ARHGEF10L: variants seen among roughly 807,000 people sequenced by gnomAD.
ARHGEF10L encodes rho guanine nucleotide exchange factor 10-like protein.
A neutral mutation model predicts 141.2 loss-of-function variants in ARHGEF10L; 69 were observed. The ratio of observed to expected loss-of-function variants is 0.49; its 90% CI spans 0.40 to 0.60. The LOEUF (loss-of-function observed/expected upper bound fraction) is 0.60, where lower values mean the gene tolerates loss of function less well. ARHGEF10L is among the 20% of genes least tolerant of loss of function. The pLI is 0.00. For missense variants in ARHGEF10L, 1,482 were observed against 1,734.3 expected (o/e 0.85, Z 2.58); for synonymous variants, 711 against 718.5 (o/e 0.99, Z 0.17).
At chr1:17,622,954 G>T (rs750795770) in intron 11 of ARHGEF10L, 42 bp from the exon 12 acceptor site, 2 of 1,580,208 alleles carry the variant, frequency 1.3e-6, no homozygotes, top group Non-Finnish European at 8.6e-7. Flanking sequence ...AGGGAGAGAG[G>T]CTGCGGCCTG....
At chr1:17,540,126 C>T (rs1278837595) in intron 1 of ARHGEF10L, among the ~76,000 whole-genome samples, 176 bp downstream of exon 1, 1 of 152,020 alleles carries the variant, frequency 6.6e-6, no homozygotes, top group Non-Finnish European at 1.5e-5. Context: ...GTGAGAGCCC[C>T]GAGCCCGCGT....
In ARHGEF10L at chr1:17,634,561, A is replaced by G. The variant is rs1173192391; in HGVS notation, c.1744A>G (p.Arg582Gly). The change falls in exon 17 of 29, where the codon AGG becomes GGG. Residue 582 changes from arginine to glycine, a missense_variant and splice_region_variant. By Grantham distance (125) the Arg-to-Gly change is moderately radical. Coordinates refer to ENST00000361221, the MANE Select transcript of ARHGEF10L (RefSeq NM_018125.4). ...CTTTTTTCCCAGGCCTGCCAACCAC[A>G]GGTACGTGGTTCAGGGGGCTCCGGG... The part of the protein sequence containing the change: ...ANINFKPANH[R>G]GQLEISSLVP... 1 of 1,613,632 alleles carries G rather than the reference A, an allele frequency of 6.2e-7. No individual in the cohort carries two copies. The highest frequency in any genetic ancestry group is 8.5e-7 in the Non-Finnish European group (1 of 1,179,776).
rs367555665 is a variant in ARHGEF10L at position 17,675,841 on chromosome 1, G to A, written c.3009+11246G>A. On this transcript the variant is annotated intron_variant, in intron 26 of 28. Coordinates refer to ENST00000361221, the MANE Select transcript of ARHGEF10L (RefSeq NM_018125.4). ...AGGTGTGGGTACAGGTGTGTGTTCA[G>A]GTGTGGGTGCAGGTGTGGGTACAGG... Among the ~76,000 whole-genome samples, 5 of 147,850 alleles carry A rather than the reference G, an allele frequency of 3.4e-5. No homozygotes were observed. In the East Asian group the frequency reaches 1.0e-3, roughly 31 times the overall value.
At chr1:17,613,265 A>T (rs1453857543) in intron 8 of ARHGEF10L, 91 bp downstream of exon 8, 4 of 1,100,660 alleles carry the variant, frequency 3.6e-6, no homozygotes, top group East Asian at 4.8e-5. Context: ...TGGTACCACG[A>T]AGCCTACCAG....
intron 15 of ARHGEF10L, among the ~76,000 whole-genome samples, chr1:17,629,034 A>G (rs1247427870): frequency 6.6e-6 from 1 of 151,788 alleles, no homozygotes. Context: ...ATTTAATTTT[A>G]TTTTGAGACA....
rs1419617421 is a variant in ARHGEF10L, at chr1:17,678,283, C to G, written c.3010-9290C>G. Among the ~76,000 whole-genome samples, 5 of 152,156 alleles carry G rather than the reference C, an allele frequency of 3.3e-5. No homozygotes were observed. In the South Asian group the frequency reaches 1.0e-3, roughly 32 times the overall value. On this transcript the variant is annotated intron_variant, in intron 26 of 28. Coordinates refer to ENST00000361221, the MANE Select transcript of ARHGEF10L (RefSeq NM_018125.4). ...TCGATGCTGGAGAAGAAACACTAGG[C>G]TGGCTGTCATAATTGAAGAAAACAA...
At position 17,619,541 on chromosome 1, in the gene ARHGEF10L, C is replaced by A; in HGVS notation, c.942+96C>A. The A allele has an allele frequency of 1.0e-6, 1 of 1,002,900 alleles. No homozygotes were observed. Among genetic ancestry groups the A allele is most frequent in the Non-Finnish European group, 1.5e-6 (1 of 689,460 alleles). 62.1% of individuals were successfully genotyped at this position (1,002,900 alleles called of 1,614,324 possible). A position where few individuals can be genotyped will look rare whatever the true frequency, so the allele number is the denominator to read the frequency against. ...TGGGGCCACGCTTGTCTGGATCTCA[C>A]AGGGGATATGATGACTGGGGGCTCT... On this transcript the variant is annotated intron_variant, in intron 10 of 28. Coordinates refer to ENST00000361221, the MANE Select transcript of ARHGEF10L (RefSeq NM_018125.4). The surrounding 1 kb of genome is among the most constrained non-coding windows in gnomAD (Gnocchi z 5.0).
rs1164880634 is a variant in ARHGEF10L at position 17,645,727 on chromosome 1, G to A, written c.2273-2827G>A. ...GCCGTGCTGCCCCGGGACAAGGTGCGTCGCAGGCACCGTGCAAGGCGCCCC... is the reference window on the plus strand; with the variant it reads ...GCCGTGCTGCCCCGGGACAAGGTGCATCGCAGGCACCGTGCAAGGCGCCCC... On this transcript the variant is annotated intron_variant, in intron 21 of 28. Coordinates refer to ENST00000361221, the MANE Select transcript of ARHGEF10L (RefSeq NM_018125.4). Among the ~76,000 whole-genome samples, 6 of 152,248 alleles carry A rather than the reference G, an allele frequency of 3.9e-5. No individual in the cohort carries two copies. The South Asian group carries it at 6.2e-4, about 16-fold the overall frequency.
chr1:17,584,630 G>GA (rs1165124364), intron 2 of ARHGEF10L, among the ~76,000 whole-genome samples: 2 of 152,320 alleles, frequency 1.3e-5, no homozygotes, highest in African/African-American at 4.8e-5. Context: ...GTGCAGTAGA[G>GA]ATGCCGCAGC....
chr1:17,696,626 C>T (rs2065521401), intron 28 of ARHGEF10L, among the ~76,000 whole-genome samples: 1 of 152,138 alleles, frequency 6.6e-6, no homozygotes, highest in African/African-American at 2.4e-5. Context: ...CACTGAGGCT[C>T]CCCCGTGTGG....
Position 17,657,818 on chromosome 1 carries a change from C to T in ARHGEF10L, c.2860+1110C>T, listed in dbSNP as rs905396. ...AGCGACCACTCCCAACCGGCTCCCACGGAACACTGTGAGCCCGGCCTGTGC... is the reference window on the plus strand; with the variant it reads ...AGCGACCACTCCCAACCGGCTCCCATGGAACACTGTGAGCCCGGCCTGTGC... On this transcript the variant is annotated intron_variant, in intron 25 of 28. Coordinates refer to ENST00000361221, the MANE Select transcript of ARHGEF10L (RefSeq NM_018125.4). 8.6e-3 allele frequency among the ~76,000 whole-genome samples: 1,314 copies of T among 152,322 alleles called. 21 individuals carry two copies. The highest frequency in any genetic ancestry group is 0.03 in the African/African-American group (1,262 of 41,578).
chr1:17,595,503 G>C (rs2080006906), intron 4 of ARHGEF10L, among the ~76,000 whole-genome samples: 1 of 152,162 alleles, frequency 6.6e-6, no homozygotes, highest in African/African-American at 2.4e-5. Flanking sequence ...CTCACTCCCT[G>C]CTGAGGTCTG....
At chr1:17,643,012 C>G (rs1202744945) in intron 21 of ARHGEF10L, among the ~76,000 whole-genome samples, 2 of 152,224 alleles carry the variant, frequency 1.3e-5, no homozygotes, top group South Asian at 4.1e-4. Context: ...GCTGCCTTAT[C>G]TCCACACAGC....
chr1:17,640,661 G>T (rs1222552175), intron 21 of ARHGEF10L, among the ~76,000 whole-genome samples: 1 of 152,152 alleles, frequency 6.6e-6, no homozygotes, highest in African/African-American at 2.4e-5. Context: ...AAATTAGATG[G>T]TGGTGATTGC....
chr1:17,663,489 G>A (rs1465978033), intron 25 of ARHGEF10L, among the ~76,000 whole-genome samples: 3 of 151,852 alleles, frequency 2.0e-5, no homozygotes, highest in Non-Finnish European at 2.9e-5. Context: ...GGGAGGCAGA[G>A]GTTGCAGTGA....
intron 25 of ARHGEF10L, among the ~76,000 whole-genome samples, chr1:17,662,563 G>A (rs964743371): frequency 5.3e-5 from 8 of 152,114 alleles, no homozygotes; most frequent in Non-Finnish European, 8.8e-5. Flanking sequence ...GCTTCTTTGC[G>A]GAGCTTGGAT....
chr1:17,677,452 G>T (rs569105473), intron 26 of ARHGEF10L, among the ~76,000 whole-genome samples: 3 of 152,304 alleles, frequency 2.0e-5, no homozygotes, highest in African/African-American at 4.8e-5. Flanking sequence ...TGTCTCCTTC[G>T]ATCGGTGCCG....
At chr1:17,577,803 T>C (rs2078285362) in intron 1 of ARHGEF10L, among the ~76,000 whole-genome samples, 1 of 152,208 alleles carries the variant, frequency 6.6e-6, no homozygotes. Flanking sequence ...CTGGGGCAAA[T>C]ATTTGCTTCT....
chr1:17,518,653 A>AAAAAT, the ARHGEF10L span, among the ~76,000 whole-genome samples: 1 of 151,796 alleles, frequency 6.6e-6, no homozygotes, highest in East Asian at 1.9e-4. Flanking sequence ...TTAGCTGGGC[A>AAAAAT]TAGTGGTGCA....
Sources: gnomAD v4.1 joint callset for allele counts (sites outside exome capture counted in the v4.1 genomes callset) on GRCh38, gnomAD v4.1.1 for gene constraint, Gnocchi (gnomAD v3.1) non-coding constraint, MANE v1.5 for transcripts, NCBI Gene and HGNC (gene_info 2026-07-23, HGNC 2026-07-21) for gene names.